Variants in CERS4 observed in about 807,000 individuals in gnomAD.
The protein encoded by CERS4 is LAG1 homolog, ceramide synthase 4.
Under a neutral mutation model 51.8 loss-of-function variants are expected in CERS4, and 65 were observed. That is an observed-to-expected ratio of 1.26 (90% CI 1.03 to 1.54). The LOEUF is 1.54. Ranked by LOEUF, CERS4 falls within the 40% of genes most tolerant of loss-of-function variation. CERS4 has a pLI of 0.00. For synonymous variants in CERS4, 228 were observed against 208.4 expected, an observed-to-expected ratio of 1.09 and a Z score of -0.81; for missense variants, 563 against 500.4, an observed-to-expected ratio of 1.13 and a Z score of -1.19.
At chr19:8,235,287 G>A (rs574247995) in intron 2 of CERS4, among the ~76,000 whole-genome samples, 5 of 151,578 alleles carry the variant, frequency 3.3e-5, no homozygotes, top group African/African-American at 9.7e-5. Flanking sequence ...GATTACAGGC[G>A]TGAACGACCG....
Position 8,255,822 on chromosome 19 carries a change from C to T in CERS4, c.411C>T (p.Ser137=). The T allele has an allele frequency of 2.5e-6, 4 of 1,614,004 alleles. No individual in the cohort carries two copies. Among genetic ancestry groups the T allele is most frequent in the South Asian group, 1.1e-5 (1 of 91,082 alleles). ...TTCACAGCTCCCTCCCCATCCACAG[C>T]TGGAGGTTTCTCTTCTACCTGTCCT... ...PQLTKKFCEA[S]WRFLFYLSSF... is the part of the protein sequence containing the mutation. Residue 137 remains serine (S), a splice_region_variant and synonymous_variant, in exon 6 of 12, where the codon AGC becomes AGT. Transcript: ENST00000251363.
chr19:8,214,988 GGGAGGAGAGGGAGGA>G (rs2145159701), intron 2 of CERS4, among the ~76,000 whole-genome samples: 2 of 67,748 alleles, frequency 3.0e-5, no homozygotes, highest in Admixed American at 1.3e-4. Flanking sequence ...GAAGAGGAGG[GGGAGGAGAGGGAGGA>G]GGAGGAGGAG....
At position 8,226,871 on chromosome 19, in the gene CERS4, G is replaced by A. The variant is rs150218539; in HGVS notation, c.-2+16009G>A. Among the ~76,000 whole-genome samples, 122 of 152,240 alleles carry A rather than the reference G, an allele frequency of 8.0e-4. No homozygotes were observed. The East Asian group carries it at 0.022, about 28-fold the overall frequency. On this transcript the variant is annotated intron_variant, in intron 2 of 11. Transcript: ENST00000251363. ...AGGCCAGGCGCAGTGGCTCACACCT[G>A]TAATCCCAGCACTTTGGGAGGCCGA...
At chr19:8,240,278 G>A (rs796916950) in intron 2 of CERS4, among the ~76,000 whole-genome samples, 11 of 152,210 alleles carry the variant, frequency 7.2e-5, no homozygotes, top group African/African-American at 2.6e-4. Context: ...AGGGGCTCAG[G>A]TAAGGCGGAA....
At chr19:8,250,841 A>G (rs914575500) in intron 2 of CERS4, 2 of 1,312,406 alleles carry the variant, frequency 1.5e-6, no homozygotes, top group Non-Finnish European at 1.9e-6. Flanking sequence ...GCCTTTTAAC[A>G]CTGACCAGGC....
At chr19:8,248,407 ATGGG>A (rs943541309) in intron 2 of CERS4, among the ~76,000 whole-genome samples, 1 of 152,156 alleles carries the variant, frequency 6.6e-6, no homozygotes, top group African/African-American at 2.4e-5. Context: ...GGACAGAAGG[ATGGG>A]TGGGTGGAAG....
intron 10 of CERS4, among the ~76,000 whole-genome samples, chr19:8,260,688 G>A (rs1011014239): frequency 3.3e-5 from 5 of 151,154 alleles, no homozygotes; most frequent in African/African-American, 7.3e-5. Context: ...GGCGGCTCAC[G>A]CCTGTAATCC....
In CERS4 at chr19:8,251,120, G is replaced by A; in HGVS notation, c.44G>A (p.Trp15Ter). Residue 15 changes from tryptophan (W) to a stop codon, truncating the protein, a stop_gained, in exon 3 of 12, where the codon TGG becomes TAG. Transcript: ENST00000251363. LOFTEE classifies it high-confidence loss of function. ...FNEWFWQDRF[W>*]LPPNVTWTEL... ...GAGTGGTTTTGGCAGGACAGGTTCTGGTTACCACCCAATGTCACGTGGACA... is the reference window on the plus strand; with the variant it reads ...GAGTGGTTTTGGCAGGACAGGTTCTAGTTACCACCCAATGTCACGTGGACA... 3 of 1,611,668 alleles carry A rather than the reference G, an allele frequency of 1.9e-6. No individual in the cohort carries two copies. Among genetic ancestry groups the A allele is most frequent in the Non-Finnish European group, 2.5e-6 (3 of 1,179,130 alleles).
intron 2 of CERS4, among the ~76,000 whole-genome samples, chr19:8,216,828 C>T (rs1299551249): frequency 6.6e-6 from 1 of 151,932 alleles, no homozygotes; most frequent in East Asian, 1.9e-4. Context: ...GGGCGGATGG[C>T]GTTGGGGGTA....
intron 2 of CERS4, among the ~76,000 whole-genome samples, chr19:8,215,791 G>A (rs1262375236): frequency 1.3e-5 from 2 of 152,202 alleles, no homozygotes; most frequent in African/African-American, 4.8e-5. Flanking sequence ...CTGTGATCTG[G>A]CAGGTGTGAT....
intron 2 of CERS4, among the ~76,000 whole-genome samples, chr19:8,244,632 G>C (rs917473553): frequency 6.6e-6 from 1 of 152,028 alleles, no homozygotes; most frequent in Non-Finnish European, 1.5e-5. Context: ...ACCCTCTTCT[G>C]GCCTCCAAAA....
chr19:8,259,863 T>A, intron 10 of CERS4, among the ~76,000 whole-genome samples: 1 of 152,110 alleles, frequency 6.6e-6, no homozygotes, highest in Non-Finnish European at 1.5e-5. Flanking sequence ...AGAGTCTCAG[T>A]CCTCGGGCTT....
Position 8,251,230 on chromosome 19 carries a change from A to G in CERS4, c.154A>G (p.Met52Val). 1 of 1,606,966 alleles carries G rather than the reference A, an allele frequency of 6.2e-7. No individual in the cohort carries two copies. Among genetic ancestry groups the G allele is most frequent in the Non-Finnish European group, 8.5e-7 (1 of 1,176,926 alleles). ...ALPLALVLLA[M>V]RLAFERFIGL... is the part of the protein sequence containing the mutation. ...GCCCCTGGCGCTGGTCCTCCTGGCC[A>G]TGCGCCTTGCCTTTGAGAGGTGAGT... The change falls in exon 3 of 12, where the codon ATG becomes GTG. Residue 52 changes from methionine to valine, a missense_variant. By Grantham distance (21) the Met-to-Val change is conservative. Coordinates refer to ENST00000251363, the MANE Select transcript of CERS4 (RefSeq NM_024552.3).
intron 2 of CERS4, among the ~76,000 whole-genome samples, chr19:8,233,249 TC>T (rs914340915): frequency 7.2e-5 from 11 of 151,936 alleles, no homozygotes; most frequent in African/African-American, 2.7e-4. Context: ...CACTGCAACT[TC>T]CGCCTCCCAG....
At chr19:8,255,993 A>G in intron 6 of CERS4, 114 bp downstream of exon 6, 1 of 1,226,202 alleles carries the variant, frequency 8.2e-7, no homozygotes, top group Non-Finnish European at 1.2e-6. Context: ...GCAGCTGAGG[A>G]GAGAGCGAGC....
chr19:8,254,553 G>A lies in CERS4; in HGVS notation c.228G>A (p.Arg76=). ...TGGGTGTGAGGGATCAGACCAGGAG[G>A]CAAGTGAAGCCCAACGCCACGCTGG... ...RWLGVRDQTR[R]QVKPNATLEK... is the part of the protein sequence containing the mutation. The change falls in exon 4 of 12, where the codon AGG becomes AGA. Residue 76 remains arginine, a synonymous_variant. Coordinates refer to ENST00000251363, the MANE Select transcript of CERS4 (RefSeq NM_024552.3). The A allele has an allele frequency of 6.2e-7, 1 of 1,613,700 alleles. No homozygotes were observed. The highest frequency in any genetic ancestry group is 8.5e-7 in the Non-Finnish European group (1 of 1,179,936).
chr19:8,216,391 A>G (rs184723427), intron 2 of CERS4, among the ~76,000 whole-genome samples: 8 of 151,836 alleles, frequency 5.3e-5, no homozygotes, highest in Non-Finnish European at 1.0e-4. Flanking sequence ...AAAAAAAAAA[A>G]AAAAGAAAAT....
At chr19:8,226,606 G>A (rs1967798625) in intron 2 of CERS4, among the ~76,000 whole-genome samples, 1 of 152,144 alleles carries the variant, frequency 6.6e-6, no homozygotes, top group South Asian at 2.1e-4. Context: ...GGCTGATCTT[G>A]ATGGAAAATT....
chr19:8,227,034 A>G (rs1681250719), intron 2 of CERS4, among the ~76,000 whole-genome samples: 1 of 152,142 alleles, frequency 6.6e-6, no homozygotes, highest in Non-Finnish European at 1.5e-5. Flanking sequence ...ATGCTGAGGC[A>G]GGAGAATTGC....
Sources: allele counts gnomAD v4.1 joint callset (sites outside exome capture counted in the v4.1 genomes callset), GRCh38; gene constraint gnomAD v4.1.1; transcripts MANE v1.5; gene names NCBI Gene and HGNC (gene_info 2026-07-23, HGNC 2026-07-21).